The following ATF6 variants were observed in gnomAD, a reference collection of about 807,000 sequenced individuals.
ATF6 encodes the protein activating transcription factor 6, also known as cyclic AMP-dependent transcription factor ATF-6 alpha.
ATF6 carries 53 observed loss-of-function variants against 83.6 expected under a neutral mutation model. The ratio of observed to expected loss-of-function variants is 0.63; its 90% confidence interval spans 0.51 to 0.80. ATF6 has a LOEUF of 0.80. ATF6 is among the 30% of genes least tolerant of loss of function. The pLI is 0.00. For missense variants in ATF6, 744 were observed against 797.9 expected, an observed-to-expected ratio of 0.93 and a Z score of 0.81; for synonymous variants, 288 against 285.8, an observed-to-expected ratio of 1.01 and a Z score of -0.08.
chr1:161,901,543 C>A (rs1571224989), intron 14 of ATF6, among the ~76,000 whole-genome samples: 1 of 148,434 alleles, frequency 6.7e-6, no homozygotes, highest in African/African-American at 2.5e-5. Context: ...TACAGTTTTG[C>A]AGATTTTTAA....
rs1689155056 is a variant in ATF6, at chr1:161,963,951, T to A, written c.*5297T>A. The A allele has an allele frequency of 6.6e-6, 1 of 152,104 alleles. No individual in the cohort carries two copies. The highest frequency in any genetic ancestry group is 2.4e-5 in the African/African-American group (1 of 41,554). 9.4% of individuals were successfully genotyped at this position (152,104 alleles called of 1,614,324 possible). A position where few individuals can be genotyped will look rare whatever the true frequency, so the allele number is the denominator to read the frequency against. On this transcript the variant is annotated 3_prime_UTR_variant, in exon 16 of 16. Coordinates refer to ENST00000367942, the MANE Select transcript of ATF6 (RefSeq NM_007348.4). ...AGAGATGTACCATTCTCTCCCTTAATAATGATGTTGGTTTGCAAAACCTAA... is the reference window on the plus strand; with the variant it reads ...AGAGATGTACCATTCTCTCCCTTAAAAATGATGTTGGTTTGCAAAACCTAA...
chr1:161,798,380 G>C (rs1259846215), intron 6 of ATF6, among the ~76,000 whole-genome samples: 1 of 152,206 alleles, frequency 6.6e-6, no homozygotes, highest in Admixed American at 6.5e-5. Flanking sequence ...TTGGGAGGCT[G>C]AGGGGTGCAT....
At chr1:161,860,776 A>G (rs186180364) in intron 13 of ATF6, among the ~76,000 whole-genome samples, 1 of 152,272 alleles carries the variant, frequency 6.6e-6, no homozygotes, top group East Asian at 1.9e-4. Flanking sequence ...ACCTAGTGGT[A>G]GACTCAGAAT....
intron 15 of ATF6, among the ~76,000 whole-genome samples, chr1:161,942,595 T>C (rs1487422608): frequency 6.6e-6 from 1 of 152,240 alleles, no homozygotes; most frequent in African/African-American, 2.4e-5. Flanking sequence ...TCCCATTTCA[T>C]ATCACTTGAC....
At chr1:161,829,069 A>G (rs963579683) in intron 9 of ATF6, among the ~76,000 whole-genome samples, 2 of 152,232 alleles carry the variant, frequency 1.3e-5, no homozygotes, top group African/African-American at 4.8e-5. Flanking sequence ...GATCAATTCA[A>G]CAAGAAGAGC....
At chr1:161,813,931 C>T (rs1284410933) in intron 7 of ATF6, among the ~76,000 whole-genome samples, 4 of 150,718 alleles carry the variant, frequency 2.7e-5, no homozygotes, top group Non-Finnish European at 5.9e-5. Context: ...GTTGCCCAGG[C>T]TGGAGTGCAA....
intron 14 of ATF6, among the ~76,000 whole-genome samples, chr1:161,875,251 A>C (rs1687187644): frequency 6.6e-6 from 1 of 151,806 alleles, no homozygotes; most frequent in African/African-American, 2.4e-5. Flanking sequence ...TGCTACACCA[A>C]AATGCAACAA....
intron 1 of ATF6, among the ~76,000 whole-genome samples, chr1:161,767,865 C>G (rs1265497639): frequency 6.6e-6 from 1 of 152,020 alleles, no homozygotes; most frequent in Non-Finnish European, 1.5e-5. Flanking sequence ...TTCTTTACCT[C>G]TTTTTTTGAG....
chr1:161,824,923 T>C (rs968658371), intron 9 of ATF6, among the ~76,000 whole-genome samples: 1 of 152,192 alleles, frequency 6.6e-6, no homozygotes, highest in African/African-American at 2.4e-5. Context: ...ATGGATGTCA[T>C]ATAAACATAT....
chr1:161,874,764 G>A (rs1687175904), intron 14 of ATF6, among the ~76,000 whole-genome samples: 1 of 151,676 alleles, frequency 6.6e-6, no homozygotes, highest in Non-Finnish European at 1.5e-5. Flanking sequence ...ATGAACTAGA[G>A]AGAATGATAT....
At chr1:161,910,350 A>G (rs1687965881) in intron 14 of ATF6, among the ~76,000 whole-genome samples, 2 of 152,196 alleles carry the variant, frequency 1.3e-5, no homozygotes, top group African/African-American at 2.4e-5. Flanking sequence ...ACCTTTAATA[A>G]TTAGAGACAA....
At chr1:161,867,227 G>A (rs540753818) in intron 14 of ATF6, among the ~76,000 whole-genome samples, 78 of 152,088 alleles carry the variant, frequency 5.1e-4, no homozygotes, top group Admixed American at 1.7e-3. Context: ...CCTGGGAGAC[G>A]GAGCTTGCAG....
At chr1:161,940,005 T>C (rs1235390368) in intron 15 of ATF6, among the ~76,000 whole-genome samples, 1 of 152,196 alleles carries the variant, frequency 6.6e-6, no homozygotes, top group African/African-American at 2.4e-5. Flanking sequence ...AGCTATTTCC[T>C]GAGTTCAGGA....
chr1:161,920,214 TTGAA>T (rs755924234), intron 15 of ATF6, among the ~76,000 whole-genome samples: 11 of 151,778 alleles, frequency 7.2e-5, no homozygotes, highest in Non-Finnish European at 1.5e-4. Context: ...ATCCAGACAG[TTGAA>T]TGGAGTCTTC....
At chr1:161,827,565 A>C (rs1685933677) in intron 9 of ATF6, among the ~76,000 whole-genome samples, 2 of 152,304 alleles carry the variant, frequency 1.3e-5, no homozygotes, top group Admixed American at 6.5e-5. Context: ...AGAACAGATC[A>C]CATTACCGAG....
At chr1:161,784,498 C>G (rs932031069) in intron 4 of ATF6, among the ~76,000 whole-genome samples, 1 of 151,980 alleles carries the variant, frequency 6.6e-6, no homozygotes, top group South Asian at 2.1e-4. Context: ...AGAATGATTG[C>G]CTTAGTTTGG....
At chr1:161,941,295 A>T (rs974612921) in intron 15 of ATF6, among the ~76,000 whole-genome samples, 2 of 152,192 alleles carry the variant, frequency 1.3e-5, no homozygotes, top group Non-Finnish European at 2.9e-5. Context: ...GATAGTGCAA[A>T]AACATGGTTG....
intron 15 of ATF6, among the ~76,000 whole-genome samples, chr1:161,950,913 A>G (rs140349734): frequency 5.9e-5 from 9 of 152,196 alleles, no homozygotes; most frequent in Non-Finnish European, 1.2e-4. Flanking sequence ...CGATGAAATG[A>G]TATTCTTTTC....
intron 14 of ATF6, among the ~76,000 whole-genome samples, chr1:161,901,233 G>A (rs900630574): frequency 6.6e-6 from 1 of 151,960 alleles, no homozygotes; most frequent in African/African-American, 2.4e-5. Flanking sequence ...GGGTGATGCT[G>A]AGGTTTAGGG....
Sources: gnomAD v4.1 joint callset for allele counts (sites outside exome capture counted in the v4.1 genomes callset) on GRCh38, gnomAD v4.1.1 for gene constraint, MANE v1.5 for transcripts, NCBI Gene and HGNC (gene_info 2026-07-23, HGNC 2026-07-21) for gene names.